Variants in SLC4A4 observed in about 807,000 individuals in gnomAD.
SLC4A4 encodes the protein solute carrier family 4 member 4, also known as electrogenic sodium bicarbonate cotransporter 1.
SLC4A4 carries 27 observed loss-of-function variants against 111.5 expected under a neutral mutation model. The ratio of observed to expected loss-of-function variants is 0.24; its 90% CI spans 0.18 to 0.33. SLC4A4 has a LOEUF of 0.33. Ranked by LOEUF, SLC4A4 falls within the 10% of genes least tolerant of loss-of-function variation. The pLI is 1.00. For synonymous variants in SLC4A4, 443 were observed against 463.4 expected (o/e 0.96, Z 0.57); for missense variants, 909 against 1,315.5 (o/e 0.69, Z 4.78).
chr4:71,089,912 C>G (rs1324597803), intron 1 of SLC4A4, among the ~76,000 whole-genome samples: 1 of 115,470 alleles, frequency 8.7e-6, no homozygotes, highest in Non-Finnish European at 2.0e-5. Flanking sequence ...AACCACTACT[C>G]TCTTCAAAGC....
At chr4:71,086,693 A>G (rs192194269) in intron 1 of SLC4A4, among the ~76,000 whole-genome samples, 9 of 152,104 alleles carry the variant, frequency 5.9e-5, no homozygotes, top group African/African-American at 2.2e-4. Context: ...TTCTGTTTAT[A>G]TGCTGGATTA....
chr4:71,300,177 T>C (rs185805852), intron 3 of SLC4A4: 46 of 161,992 alleles, frequency 2.8e-4, no homozygotes, highest in Middle Eastern at 1.3e-3. Flanking sequence ...CTGAGGGAAG[T>C]GGAAGGGAAG....
At chr4:71,246,529 C>A (rs1720667188) in intron 2 of SLC4A4, among the ~76,000 whole-genome samples, 1 of 152,142 alleles carries the variant, frequency 6.6e-6, no homozygotes, top group Non-Finnish European at 1.5e-5. Flanking sequence ...ATAAGACTGG[C>A]TGCAGCATTT....
chr4:71,170,837 T>C (rs1019778598), intron 2 of SLC4A4, among the ~76,000 whole-genome samples: 3 of 152,178 alleles, frequency 2.0e-5, no homozygotes, highest in African/African-American at 4.8e-5. Flanking sequence ...TCAGAGAATA[T>C]TGATTAGGCC....
chr4:71,414,162 A>G (rs1209932666), intron 7 of SLC4A4, among the ~76,000 whole-genome samples: 1 of 152,250 alleles, frequency 6.6e-6, no homozygotes, highest in East Asian at 1.9e-4. Context: ...TGTAATTTCC[A>G]GGTGCCCATG....
intron 2 of SLC4A4, among the ~76,000 whole-genome samples, chr4:71,142,661 A>T (rs1254637262): frequency 1.3e-5 from 2 of 151,424 alleles, no homozygotes; most frequent in Non-Finnish European, 2.9e-5. Context: ...TTTTTGCAGC[A>T]TCTTTCTGTT....
At chr4:71,091,083 G>C (rs895855000) in intron 1 of SLC4A4, among the ~76,000 whole-genome samples, 9 of 152,250 alleles carry the variant, frequency 5.9e-5, no homozygotes, top group Middle Eastern at 3.4e-3. Context: ...GAGTAGCTGA[G>C]ATTACAGTTG....
chr4:71,419,428 G>C (rs539037205), intron 7 of SLC4A4, among the ~76,000 whole-genome samples: 2 of 152,324 alleles, frequency 1.3e-5, no homozygotes, highest in African/African-American at 4.8e-5. Context: ...CCTCACTGCC[G>C]CCTTGCAGTT....
chr4:71,261,815 G>A (rs752663052), intron 3 of SLC4A4, among the ~76,000 whole-genome samples: 19 of 152,078 alleles, frequency 1.2e-4, no homozygotes, highest in Non-Finnish European at 2.2e-4. Context: ...GTGTTTACAC[G>A]TGTCATGGGA....
chr4:71,223,928 G>C (rs1056339375), intron 1 of SLC4A4, among the ~76,000 whole-genome samples: 2 of 152,022 alleles, frequency 1.3e-5, no homozygotes, highest in East Asian at 1.9e-4. Flanking sequence ...CCCCGTTTCT[G>C]ATCCTTAGGA....
At chr4:71,336,799 T>G (rs1728466200) in intron 3 of SLC4A4, among the ~76,000 whole-genome samples, 1 of 152,266 alleles carries the variant, frequency 6.6e-6, no homozygotes, top group South Asian at 2.1e-4. Context: ...TTCCTCTAAC[T>G]GCATATACAG....
At chr4:71,565,479 A>G (rs1421121965) in intron 24 of SLC4A4, among the ~76,000 whole-genome samples, 2 of 151,784 alleles carry the variant, frequency 1.3e-5, no homozygotes, top group African/African-American at 4.8e-5. Context: ...TGTTGTCTTC[A>G]CCTGGAACTG....
At chr4:71,480,686 A>G (rs1177686456) in intron 14 of SLC4A4, among the ~76,000 whole-genome samples, 4 of 151,772 alleles carry the variant, frequency 2.6e-5, no homozygotes, top group Non-Finnish European at 1.5e-5. Flanking sequence ...GATGTTTCTT[A>G]AATGTAATGG....
chr4:71,151,498 T>C (rs1025758687), intron 2 of SLC4A4, among the ~76,000 whole-genome samples: 5 of 152,166 alleles, frequency 3.3e-5, no homozygotes, highest in African/African-American at 1.2e-4. Context: ...ACATTTAATG[T>C]CATTTTTACC....
chr4:71,395,542 C>T lies in SLC4A4; in HGVS notation c.731-2035C>T, dbSNP rs188087710. 8.5e-5 allele frequency among the ~76,000 whole-genome samples: 13 copies of T among 152,100 alleles called. No homozygotes were observed. The South Asian group carries it at 1.5e-3, about 17-fold the overall frequency. ...ATACTATCACTGTCTTTCAGAAATG[C>T]GAAGAATGATGAGACGGTATATAAG... On this transcript the variant is annotated intron_variant, in intron 6 of 25. Transcript: ENST00000264485.
intron 24 of SLC4A4, among the ~76,000 whole-genome samples, chr4:71,565,655 G>A (rs1005584483): frequency 3.3e-5 from 5 of 151,828 alleles, no homozygotes; most frequent in Admixed American, 6.6e-5. Context: ...GCAAAATGAA[G>A]TCATTTGTGC....
chr4:71,182,599 G>A (rs1440797664), upstream of SLC4A4, among the ~76,000 whole-genome samples: 1 of 152,140 alleles, frequency 6.6e-6, no homozygotes, highest in Non-Finnish European at 1.5e-5. Context: ...CTTTTAAGTG[G>A]CCTGCTATGT....
At chr4:71,267,791 C>CAAAAAAAAAAAAAAAA (rs71212002) in intron 3 of SLC4A4, among the ~76,000 whole-genome samples, 4 of 62,358 alleles carry the variant, frequency 6.4e-5, no homozygotes, top group East Asian at 1.2e-3. Context: ...GAGAGTCTGC[C>CAAAAAAAAAAAAAAAA]AAAAAAAAAA....
chr4:71,531,754 T>TACACACACACAC (rs56164928), intron 16 of SLC4A4, among the ~76,000 whole-genome samples: 1 of 128,152 alleles, frequency 7.8e-6, no homozygotes, highest in African/African-American at 3.0e-5. Flanking sequence ...CCTCCCTGCC[T>TACACACACACAC]ACACACACAC....
Sources: gnomAD v4.1 joint callset for allele counts (sites outside exome capture counted in the v4.1 genomes callset) on GRCh38, gnomAD v4.1.1 for gene constraint, MANE v1.5 for transcripts, NCBI Gene and HGNC (gene_info 2026-07-23, HGNC 2026-07-21) for gene names.